Variants in WWC2 observed in about 807,000 individuals in gnomAD.
WWC2 encodes the protein protein WWC2.
WWC2 carries 101 observed loss-of-function variants against 138.5 expected under a neutral mutation model. The observed-to-expected ratio is 0.73, with a 90% CI of 0.62 to 0.86. The LOEUF is 0.86. Among genes scored for constraint, WWC2 ranks in the 40% least tolerant of loss-of-function variants. The pLI, the probability that WWC2 is intolerant of heterozygous loss-of-function variation, is 0.00. For missense variants in WWC2, 1,420 were observed against 1,419.4 expected, an observed-to-expected ratio of 1.00 and a Z score of -0.01; for synonymous variants, 558 against 538.4, an observed-to-expected ratio of 1.04 and a Z score of -0.50.
At chr4:183,233,269 GC>G (rs1736314235) in intron 4 of WWC2, among the ~76,000 whole-genome samples, 1 of 141,658 alleles carries the variant, frequency 7.1e-6, no homozygotes, top group African/African-American at 2.7e-5. Context: ...CGATTGTCCT[GC>G]CTCTGCCTCC....
At chr4:183,222,216 A>G (rs1412067880) in intron 4 of WWC2, among the ~76,000 whole-genome samples, 2 of 152,148 alleles carry the variant, frequency 1.3e-5, no homozygotes, top group Non-Finnish European at 2.9e-5. Context: ...GTCTAAACTC[A>G]TCATATTGTA....
At chr4:183,104,931 A>G (rs1743301492) in intron 1 of WWC2, among the ~76,000 whole-genome samples, 1 of 152,180 alleles carries the variant, frequency 6.6e-6, no homozygotes, top group Non-Finnish European at 1.5e-5. Context: ...TTTTTGAGAC[A>G]GAGTTGGCTC....
rs150479597 is a variant in WWC2, at chr4:183,260,329, A to G, written c.1287-581A>G. Among the ~76,000 whole-genome samples the G allele has an allele frequency of 7.8e-3, 1,190 of 152,230 alleles. 19 individuals are homozygous for G. Among genetic ancestry groups the G allele is most frequent in the African/African-American group, 0.027 (1,141 of 41,530 alleles). On this transcript the variant is annotated intron_variant, in intron 10 of 22. Coordinates refer to ENST00000403733, the MANE Select transcript of WWC2 (RefSeq NM_024949.6). ...TTCCTTTTATTTTTGCAAAAGGAGG[A>G]TAATGTTTAATAAGAATAGATTTGC...
intron 4 of WWC2, chr4:183,233,802 G>A (rs1403113482): frequency 2.0e-5 from 3 of 152,130 alleles, no homozygotes; most frequent in Non-Finnish European, 4.4e-5. Context: ...TTTAAAGGTG[G>A]CTTCAGAGAT....
Position 183,226,957 on chromosome 4 carries a change from G to T in WWC2, c.523-13226G>T, listed in dbSNP as rs1040620775. Among the ~76,000 whole-genome samples, 18 of 152,180 alleles carry T rather than the reference G, an allele frequency of 1.2e-4. 2 individuals are homozygous for T. Among genetic ancestry groups the T allele is most frequent in the Admixed American group, 7.9e-4 (12 of 15,286 alleles). ...AGCTGGCTTTGCCCTGAGGAAATTT[G>T]ATAAGCTAGGTGCATATTCCCTTCT... On this transcript the variant is annotated intron_variant, in intron 4 of 22. Transcript: ENST00000403733.
intron 1 of WWC2, among the ~76,000 whole-genome samples, chr4:183,115,723 G>T (rs898778204): frequency 6.6e-6 from 1 of 152,084 alleles, no homozygotes; most frequent in Non-Finnish European, 1.5e-5. Context: ...GTTTGTTTAT[G>T]TTCCTTATAG....
intron 4 of WWC2, among the ~76,000 whole-genome samples, chr4:183,222,550 AAAAT>A (rs1735963053): frequency 6.6e-6 from 1 of 152,208 alleles, no homozygotes; most frequent in Admixed American, 6.6e-5. Context: ...GATATTTTAA[AAAAT>A]AGAAACAATA....
At chr4:183,155,591 G>C (rs1161112913) in intron 1 of WWC2, among the ~76,000 whole-genome samples, 6 of 152,118 alleles carry the variant, frequency 3.9e-5, no homozygotes. Flanking sequence ...TGGTATAGGG[G>C]TGAAAAAGGT....
At position 183,320,179 on chromosome 4, in the gene WWC2, C is replaced by T. The variant is rs755777707; in HGVS notation, c.*4450C>T. 3.7e-6 allele frequency: 6 copies of T among 1,614,048 alleles called. No individual in the cohort carries two copies. The African/African-American group carries it at 8.0e-5, about 22-fold the overall frequency. ...ACCCATCCCAGCAAAGATAATGAAA[C>T]TCCAGCTAGTTGAGCTACAGTTCTA... On this transcript the variant is annotated 3_prime_UTR_variant, in exon 23 of 23. Coordinates refer to ENST00000403733, the MANE Select transcript of WWC2 (RefSeq NM_024949.6).
chr4:183,303,126 T>C (rs1738912663), intron 21 of WWC2, among the ~76,000 whole-genome samples: 1 of 151,526 alleles, frequency 6.6e-6, no homozygotes, highest in Non-Finnish European at 1.5e-5. Flanking sequence ...TTTTTGAGTA[T>C]GTATTGGCAA....
At chr4:183,289,256 G>A (rs774898232) in intron 20 of WWC2, 137 bp from the exon 21 acceptor site, 48 of 1,295,762 alleles carry the variant, frequency 3.7e-5, no homozygotes, top group African/African-American at 6.0e-5. Context: ...GGGCCAGAGC[G>A]AGTTGCTCCT....
intron 8 of WWC2, 116 bp downstream of exon 8, chr4:183,250,109 C>T (rs1315310872): frequency 1.3e-5 from 12 of 939,726 alleles, no homozygotes; most frequent in Non-Finnish European, 1.9e-5. Flanking sequence ...CCAAGGCCAC[C>T]CTTCGGTTTT....
In WWC2 at chr4:183,151,957, T is replaced by C. The variant is rs184524180; in HGVS notation, c.132-41642T>C. Among the ~76,000 whole-genome samples, 569 of 152,090 alleles carry C rather than the reference T, an allele frequency of 3.7e-3. 3 individuals carry two copies. The highest frequency in any genetic ancestry group is 0.013 in the African/African-American group (534 of 41,496). On this transcript the variant is annotated intron_variant, in intron 1 of 22. Coordinates refer to ENST00000403733, the MANE Select transcript of WWC2 (RefSeq NM_024949.6). The stretch of plus-strand genomic sequence containing the variant: ...ACTAAACAATTTAAAAAATTACATT[T>C]TATAGTAAACACTTTATATAAGCCT...
intron 20 of WWC2, among the ~76,000 whole-genome samples, chr4:183,289,145 T>C (rs1202689369): frequency 6.6e-6 from 1 of 152,238 alleles, no homozygotes; most frequent in African/African-American, 2.4e-5. Flanking sequence ...TCTGTGGTTC[T>C]TTGCTCTCCC....
chr4:183,130,376 A>G (rs982175767), intron 1 of WWC2, among the ~76,000 whole-genome samples: 8 of 152,186 alleles, frequency 5.3e-5, no homozygotes, highest in Admixed American at 2.0e-4. Flanking sequence ...AAAATTAAAA[A>G]AAAAATTATG....
intron 4 of WWC2, among the ~76,000 whole-genome samples, chr4:183,216,383 G>A (rs1735758078): frequency 6.6e-6 from 1 of 152,182 alleles, no homozygotes; most frequent in Non-Finnish European, 1.5e-5. Context: ...TGTGTCTTTA[G>A]AGAGAAGGTG....
chr4:183,187,554 A>AAATAAT (rs371158154), intron 1 of WWC2, among the ~76,000 whole-genome samples: 51,446 of 127,282 alleles, frequency 0.4, 11,220 homozygotes, highest in East Asian at 0.55. Context: ...CTCCGTCTCA[A>AAATAAT]AATAATAATA....
chr4:183,229,560 G>A (rs965225754), intron 4 of WWC2, among the ~76,000 whole-genome samples: 1 of 152,006 alleles, frequency 6.6e-6, no homozygotes, highest in Non-Finnish European at 1.5e-5. Flanking sequence ...CATCACCAGG[G>A]ATGAGTCATG....
chr4:183,173,787 A>G (rs565912643), intron 1 of WWC2, among the ~76,000 whole-genome samples: 11 of 152,084 alleles, frequency 7.2e-5, no homozygotes, highest in African/African-American at 2.4e-4. Context: ...TGGGAAGTAA[A>G]TGTTTGTTGT....
Sources: allele counts gnomAD v4.1 joint callset (sites outside exome capture counted in the v4.1 genomes callset), GRCh38; gene constraint gnomAD v4.1.1; transcripts MANE v1.5; gene names NCBI Gene and HGNC (gene_info 2026-07-23, HGNC 2026-07-21).